The following PDE8A variants were observed in gnomAD, a reference collection of about 807,000 sequenced individuals.
PDE8A encodes the protein high affinity cAMP-specific and IBMX-insensitive 3',5'-cyclic phosphodiesterase 8A.
In PDE8A, 59 loss-of-function variants were observed where a neutral mutation model predicts 105.0. That is an observed-to-expected ratio of 0.56 (90% CI 0.46 to 0.70). The LOEUF (loss-of-function observed/expected upper bound fraction) is 0.70, where lower values mean the gene tolerates loss of function less well. Among genes scored for constraint, PDE8A ranks in the 30% least tolerant of loss-of-function variants. The pLI is 0.00. For synonymous variants in PDE8A, 355 were observed against 371.9 expected, an observed-to-expected ratio of 0.95 and a Z score of 0.52; for missense variants, 1,014 against 1,045.9, an observed-to-expected ratio of 0.97 and a Z score of 0.42.
intron 1 of PDE8A, among the ~76,000 whole-genome samples, chr15:85,031,803 G>A (rs1198911357): frequency 6.6e-6 from 1 of 152,118 alleles, no homozygotes; most frequent in East Asian, 1.9e-4. Flanking sequence ...TTCATAAATC[G>A]CTAGAGGCTG....
chr15:85,092,175 A>G (rs1224248161), intron 8 of PDE8A, among the ~76,000 whole-genome samples: 1 of 152,000 alleles, frequency 6.6e-6, no homozygotes, highest in Non-Finnish European at 1.5e-5. Flanking sequence ...TGCCTTTCCT[A>G]TGCCTCTGAG....
At chr15:85,135,532 C>T (rs1012661457) in intron 20 of PDE8A, among the ~76,000 whole-genome samples, 1 of 152,146 alleles carries the variant, frequency 6.6e-6, no homozygotes, top group African/African-American at 2.4e-5. Flanking sequence ...TCCATCTGCG[C>T]TCACCCTGTT....
chr15:85,121,607 A>G (rs2082183505), intron 18 of PDE8A, among the ~76,000 whole-genome samples: 1 of 151,854 alleles, frequency 6.6e-6, no homozygotes, highest in African/African-American at 2.4e-5. Context: ...AGTGCTTGGT[A>G]CATACTAGAG....
intron 1 of PDE8A, among the ~76,000 whole-genome samples, chr15:85,034,223 A>C (rs939463494): frequency 2.0e-5 from 3 of 152,230 alleles, no homozygotes; most frequent in Non-Finnish European, 4.4e-5. Context: ...CAAGGATTTT[A>C]TATTCAATGA....
rs542780802 is a variant in PDE8A, at chr15:85,095,679, T to A, written c.853-2269T>A. ...CTTATATGATATTTATGTAAGTAAATATTTTTTGTTTCCTCTGGTGACTGG... is the reference window on the plus strand; with the variant it reads ...CTTATATGATATTTATGTAAGTAAAAATTTTTTGTTTCCTCTGGTGACTGG... On this transcript the variant is annotated intron_variant, in intron 8 of 21. Coordinates refer to ENST00000394553, the MANE Select transcript of PDE8A (RefSeq NM_002605.3). Among the ~76,000 whole-genome samples, 71 of 151,712 alleles carry A rather than the reference T, an allele frequency of 4.7e-4. 1 individual carries two copies. Among genetic ancestry groups the A allele is most frequent in the African/African-American group, 1.5e-3 (64 of 41,362 alleles).
intron 5 of PDE8A, 52 bp from the exon 6 acceptor site, chr15:85,083,504 C>G: frequency 9.2e-7 from 1 of 1,083,896 alleles, no homozygotes; most frequent in Non-Finnish European, 1.4e-6. Context: ...TTTATTGGCA[C>G]AAATAAAGAA....
chr15:85,045,624 G>A (rs1407140785), intron 1 of PDE8A, among the ~76,000 whole-genome samples: 1 of 152,202 alleles, frequency 6.6e-6, no homozygotes, highest in Non-Finnish European at 1.5e-5. Flanking sequence ...ACTGGACCAT[G>A]TTGTTATTTG....
chr15:85,093,101 C>G (rs1250310576), intron 8 of PDE8A, among the ~76,000 whole-genome samples: 3 of 152,012 alleles, frequency 2.0e-5, no homozygotes, highest in African/African-American at 7.3e-5. Flanking sequence ...GACGGGTTCT[C>G]TGTATGTTGT....
intron 1 of PDE8A, among the ~76,000 whole-genome samples, chr15:85,047,438 T>C (rs1177103415): frequency 6.6e-6 from 1 of 152,186 alleles, no homozygotes; most frequent in African/African-American, 2.4e-5. Flanking sequence ...GTTAGGAGAC[T>C]CTGCTCCATA....
intron 1 of PDE8A, among the ~76,000 whole-genome samples, chr15:84,992,065 G>A (rs2079894161): frequency 6.6e-6 from 1 of 152,158 alleles, no homozygotes; most frequent in Non-Finnish European, 1.5e-5. Flanking sequence ...ATCAGTTCAG[G>A]CAAATAAAGT....
At chr15:85,128,052 C>CAAAAA (rs61221393) in intron 20 of PDE8A, among the ~76,000 whole-genome samples, 168 of 56,722 alleles carry the variant, frequency 3.0e-3, no homozygotes, top group Non-Finnish European at 3.9e-3. Context: ...TATTCCTATG[C>CAAAAA]AAAAAAAAAA....
At chr15:85,114,481 T>C (rs956318133) in intron 14 of PDE8A, among the ~76,000 whole-genome samples, 1 of 152,184 alleles carries the variant, frequency 6.6e-6, no homozygotes, top group Non-Finnish European at 1.5e-5. Context: ...TAGATGACTG[T>C]AGGAAAGAGG....
chr15:85,081,443 C>T (rs1362013583), intron 5 of PDE8A, among the ~76,000 whole-genome samples: 1 of 152,136 alleles, frequency 6.6e-6, no homozygotes, highest in Non-Finnish European at 1.5e-5. Flanking sequence ...TTGAGAACCA[C>T]TGGGAGAGGC....
chr15:85,106,180 C>G (rs75245521), intron 11 of PDE8A, among the ~76,000 whole-genome samples: 1 of 152,008 alleles, frequency 6.6e-6, no homozygotes, highest in African/African-American at 2.4e-5. Context: ...AGCCACACTG[C>G]TCCATCTGCA....
chr15:85,050,866 T>C (rs1169097123), intron 1 of PDE8A, among the ~76,000 whole-genome samples: 2 of 152,200 alleles, frequency 1.3e-5, no homozygotes, highest in South Asian at 2.1e-4. Context: ...GGGATTTTGG[T>C]AAGGATTGCA....
intron 1 of PDE8A, among the ~76,000 whole-genome samples, chr15:85,035,051 A>G (rs185990176): frequency 1.1e-4 from 16 of 152,304 alleles, no homozygotes; most frequent in Non-Finnish European, 1.8e-4. Context: ...ACCAATAAAT[A>G]TAAATGGGAG....
At chr15:85,115,391 A>G (rs770484807) in intron 14 of PDE8A, 48 bp from the exon 15 acceptor site, 1 of 1,294,838 alleles carries the variant, frequency 7.7e-7, no homozygotes, top group Non-Finnish European at 1.1e-6. Flanking sequence ...CCAGGAAGGA[A>G]AGAATAGTTG....
Position 85,098,001 on chromosome 15 carries a change from A to G in PDE8A, c.906A>G (p.Gln302=). The G allele has an allele frequency of 1.2e-6, 2 of 1,603,400 alleles. No homozygotes were observed. The highest frequency in any genetic ancestry group is 1.7e-6 in the Non-Finnish European group (2 of 1,170,358). ...AGAAAAACGGAGATAATATACAACAAAATGTGAAGATAATACCTGTCATTG... is the reference window on the plus strand; with the variant it reads ...AGAAAAACGGAGATAATATACAACAGAATGTGAAGATAATACCTGTCATTG... ...AKKKNGDNIQ[Q]NVKIIPVIGQ... Residue 302 remains glutamine, a synonymous_variant, in exon 9 of 22, where the codon CAA becomes CAG. Transcript: ENST00000394553.
rs905176724 is a variant in PDE8A, at chr15:85,059,008, G to A, written c.187-5362G>A. Among the ~76,000 whole-genome samples, 7 of 152,054 alleles carry A rather than the reference G, an allele frequency of 4.6e-5. No homozygotes were observed. In the South Asian group the frequency reaches 1.0e-3, roughly 22 times the overall value. ...TTGATTTGAGATCTTATTTTCTAGT[G>A]TATTTATAGCTATTAATGTTCCCCT... On this transcript the variant is annotated intron_variant, in intron 1 of 21. Transcript: ENST00000394553.
Sources: allele counts gnomAD v4.1 joint callset (sites outside exome capture counted in the v4.1 genomes callset), GRCh38; gene constraint gnomAD v4.1.1; transcripts MANE v1.5; gene names NCBI Gene and HGNC (gene_info 2026-07-23, HGNC 2026-07-21).